Variants in PATJ observed in about 807,000 individuals in gnomAD.
PATJ encodes PATJ crumbs cell polarity complex component.
Under a neutral mutation model 224.9 loss-of-function variants are expected in PATJ, and 190 were observed. The ratio of observed to expected loss-of-function variants is 0.84; its 90% CI spans 0.75 to 0.95. PATJ has a LOEUF of 0.95. Ranked by LOEUF, PATJ falls within the 40% of genes least tolerant of loss-of-function variation. The pLI is 0.00. For missense variants in PATJ, 2,121 were observed against 2,270.3 expected (o/e 0.93, Z 1.34); for synonymous variants, 769 against 820.3 (o/e 0.94, Z 1.07).
chr1:61,785,581 A>G (rs1648332262), intron 7 of PATJ, among the ~76,000 whole-genome samples: 1 of 152,212 alleles, frequency 6.6e-6, no homozygotes, highest in South Asian at 2.1e-4. Context: ...TTGAACCTGT[A>G]AGGTGCTCTG....
intron 25 of PATJ, among the ~76,000 whole-genome samples, chr1:61,910,745 C>T (rs560969657): frequency 1.3e-5 from 2 of 151,618 alleles, no homozygotes; most frequent in Admixed American, 1.3e-4. Context: ...ACAGGGTCTC[C>T]CCTTATTCCT....
intron 29 of PATJ, among the ~76,000 whole-genome samples, chr1:62,021,395 G>T (rs1558052016): frequency 1.3e-5 from 2 of 152,120 alleles, no homozygotes; most frequent in African/African-American, 4.8e-5. Context: ...ATTTTGAGGG[G>T]ACACAAACAT....
chr1:62,119,091 A>T (rs377679614), intron 37 of PATJ, among the ~76,000 whole-genome samples: 1 of 152,166 alleles, frequency 6.6e-6, no homozygotes, highest in East Asian at 1.9e-4. Context: ...AGTATCAAAT[A>T]CTTTGCCCTA....
intron 27 of PATJ, among the ~76,000 whole-genome samples, chr1:61,936,223 A>G (rs896909934): frequency 4.0e-5 from 6 of 149,860 alleles, no homozygotes; most frequent in Non-Finnish European, 7.4e-5. Flanking sequence ...TTTCACATAT[A>G]AAATATATAT....
intron 35 of PATJ, 85 bp from the exon 36 acceptor site, chr1:62,116,447 G>A: frequency 1.4e-6 from 2 of 1,452,798 alleles, no homozygotes; most frequent in Non-Finnish European, 9.4e-7. Context: ...GAGCATATAT[G>A]TGTGTGCATC....
intron 32 of PATJ, among the ~76,000 whole-genome samples, chr1:62,083,692 G>A (rs1457243659): frequency 1.3e-5 from 2 of 152,048 alleles, no homozygotes; most frequent in African/African-American, 4.8e-5. Context: ...TACTATATAT[G>A]TAATATATTT....
chr1:61,798,149 C>G (rs778217947), intron 11 of PATJ, among the ~76,000 whole-genome samples: 19 of 152,008 alleles, frequency 1.2e-4, no homozygotes, highest in Non-Finnish European at 5.9e-5. Context: ...TCTAATCTGC[C>G]TCTTGATTTA....
At chr1:62,156,898 A>C (rs1213825174) in intron 43 of PATJ, among the ~76,000 whole-genome samples, 3 of 151,794 alleles carry the variant, frequency 2.0e-5, no homozygotes, top group Non-Finnish European at 4.4e-5. Flanking sequence ...CCTGGGCAAC[A>C]GAATAAGTCC....
intron 27 of PATJ, chr1:61,952,057 CAG>C: frequency 3.4e-6 from 1 of 298,146 alleles, no homozygotes; most frequent in Non-Finnish European, 6.3e-6. Flanking sequence ...CTGAGTGTCA[CAG>C]TCAGCAGCGT....
At chr1:61,818,036 C>T (rs1420019914) in intron 14 of PATJ, among the ~76,000 whole-genome samples, 1 of 152,080 alleles carries the variant, frequency 6.6e-6, no homozygotes, top group African/African-American at 2.4e-5. Flanking sequence ...TTTCTTCTCC[C>T]CCTGAAGCAA....
chr1:62,000,201 T>G (rs866156300), intron 28 of PATJ, among the ~76,000 whole-genome samples: 14 of 141,548 alleles, frequency 9.9e-5, no homozygotes, highest in Non-Finnish European at 1.2e-4. Flanking sequence ...GAGTTTTTTG[T>G]TTTTTTTTTT....
chr1:61,775,232 T>C lies in PATJ; in HGVS notation c.747T>C (p.Val249=). The C allele has an allele frequency of 1.2e-6, 2 of 1,613,544 alleles. No individual in the cohort carries two copies. Among genetic ancestry groups the C allele is most frequent in the Non-Finnish European group, 1.7e-6 (2 of 1,179,744 alleles). Residue 249 remains valine (V), a synonymous_variant, in exon 7 of 44, where the codon GTT becomes GTC. Coordinates refer to ENST00000642238, the MANE Select transcript of PATJ (RefSeq NM_001350145.3). ...TTTGTTGGGGCCATGTTGAAGAGGT[T>C]GAGCTCATTAATGATGGCTCTGGAC... ...ETVCWGHVEE[V]ELINDGSGLG... is the part of the protein sequence containing the mutation.
At chr1:61,763,312 C>T in intron 3 of PATJ, 133 bp downstream of exon 3, 1 of 462,942 alleles carries the variant, frequency 2.2e-6, no homozygotes, top group Non-Finnish European at 3.8e-6. Flanking sequence ...GTATTGGGAC[C>T]TGTAACCTAT....
rs1176338497 is a variant in PATJ at position 61,787,895 on chromosome 1, G to T, written c.991G>T (p.Asp331Tyr). 5 of 1,614,138 alleles carry T rather than the reference G, an allele frequency of 3.1e-6. No homozygotes were observed. Among genetic ancestry groups the T allele is most frequent in the Non-Finnish European group, 4.2e-6 (5 of 1,180,022 alleles). ...GCTCGTTGCTAGAGATCCAGCTGGT[G>T]ACATTTCAGTCACCCCCCCTGCCCC... ...RMLVARDPAG[D>Y]ISVTPPAPAA... Residue 331 changes from aspartate to tyrosine, a missense_variant, in exon 8 of 44, where the codon GAC (aspartate) becomes TAC (tyrosine). Asp to Tyr is a radical substitution (Grantham distance 160). Transcript: ENST00000642238.
intron 17 of PATJ, among the ~76,000 whole-genome samples, chr1:61,836,505 G>A (rs894347135): frequency 2.0e-5 from 3 of 152,116 alleles, no homozygotes; most frequent in Non-Finnish European, 4.4e-5. Context: ...AATGGGGAGG[G>A]GAACACATTC....
At chr1:61,828,573 G>T (rs148409292) in intron 16 of PATJ, among the ~76,000 whole-genome samples, 4 of 151,412 alleles carry the variant, frequency 2.6e-5, no homozygotes, top group Non-Finnish European at 4.4e-5. Flanking sequence ...AATTTTTTTC[G>T]TACAGTCAGG....
At chr1:61,945,731 A>G (rs1678594067) in intron 27 of PATJ, among the ~76,000 whole-genome samples, 1 of 152,346 alleles carries the variant, frequency 6.6e-6, no homozygotes, top group African/African-American at 2.4e-5. Flanking sequence ...AGACATCTAC[A>G]GAACTCTCCA....
intron 26 of PATJ, among the ~76,000 whole-genome samples, chr1:61,919,107 A>G (rs763499493): frequency 1.4e-4 from 21 of 151,930 alleles, no homozygotes; most frequent in Middle Eastern, 3.2e-3. Flanking sequence ...CTGAAGAATT[A>G]CCTTTTGAAG....
chr1:62,043,642 T>A (rs1383954894), intron 30 of PATJ, among the ~76,000 whole-genome samples: 1 of 152,152 alleles, frequency 6.6e-6, no homozygotes, highest in Non-Finnish European at 1.5e-5. Context: ...AACAGGATTT[T>A]TTTTCCTTTT....
Sources: allele counts gnomAD v4.1 joint callset (sites outside exome capture counted in the v4.1 genomes callset), GRCh38; gene constraint gnomAD v4.1.1; transcripts MANE v1.5; gene names NCBI Gene and HGNC (gene_info 2026-07-23, HGNC 2026-07-21).